Variants in FKTN observed in about 807,000 individuals in gnomAD.
The protein encoded by FKTN is ribitol-5-phosphate transferase FKTN.
FKTN carries 47 observed loss-of-function variants against 58.6 expected under a neutral mutation model. The ratio of observed to expected loss-of-function variants is 0.80; its 90% CI spans 0.63 to 1.02. The LOEUF (loss-of-function observed/expected upper bound fraction) is 1.02, where lower values mean the gene tolerates loss of function less well. Among genes scored for constraint, FKTN ranks in the 50% least tolerant of loss-of-function variants. The pLI is 0.00. For missense variants in FKTN, 516 were observed against 537.3 expected, an observed-to-expected ratio of 0.96 and a Z score of 0.39; for synonymous variants, 178 against 191.9, an observed-to-expected ratio of 0.93 and a Z score of 0.60.
chr9:105,622,537 A>G (rs1832143421), intron 10 of FKTN, among the ~76,000 whole-genome samples: 1 of 151,920 alleles, frequency 6.6e-6, no homozygotes, highest in South Asian at 2.1e-4. Context: ...TAATCTGGTT[A>G]ATCCTCATAC....
intron 4 of FKTN, among the ~76,000 whole-genome samples, chr9:105,596,908 T>C (rs979257018): frequency 6.6e-6 from 1 of 152,208 alleles, no homozygotes; most frequent in African/African-American, 2.4e-5. Flanking sequence ...TTAAACTTAG[T>C]TGGCTGATAA....
intron 3 of FKTN, among the ~76,000 whole-genome samples, chr9:105,593,515 T>C (rs1188073129): frequency 2.0e-5 from 3 of 151,978 alleles, no homozygotes; most frequent in Non-Finnish European, 4.4e-5. Context: ...GTAGAGTGGG[T>C]TGGGAGTACA....
In FKTN at chr9:105,575,177, A is replaced by C. The variant is rs181305205; in HGVS notation, c.105+40A>C. 1.2e-3 allele frequency: 1,278 copies of C among 1,080,234 alleles called. 15 individuals are homozygous for C. The African/African-American group carries it at 0.017, about 14-fold the overall frequency. The allele number at this position is 1,080,234 out of a possible 1,614,324, so 66.9% of individuals were successfully genotyped here. ...TCTTTCTTATCATTCCTCCTTTCTT[A>C]TCATTGTATATTTTCTGATCACACT... On this transcript the variant is annotated intron_variant, in intron 3 of 10. Coordinates refer to ENST00000357998, the MANE Select transcript of FKTN (RefSeq NM_001079802.2).
At chr9:105,598,239 G>A in intron 4 of FKTN, 3 of 390,588 alleles carry the variant, frequency 7.7e-6, no homozygotes, top group Non-Finnish European at 1.1e-5. Flanking sequence ...TTGTAAATGT[G>A]GTCACTGAAT....
At chr9:105,579,290 C>T (rs1335780864) in intron 3 of FKTN, among the ~76,000 whole-genome samples, 1 of 152,088 alleles carries the variant, frequency 6.6e-6, no homozygotes, top group African/African-American at 2.4e-5. Context: ...CCTGCTTTCT[C>T]TTGTGGGCAT....
In FKTN at chr9:105,638,907, G is replaced by A. The variant is rs1834240584; in HGVS notation, c.*3643G>A. The stretch of plus-strand genomic sequence containing the variant: ...CATAGATAGGCAGGATATTACATAG[G>A]TAAGCAGGAATTTATACATTGGGTA... On this transcript the variant is annotated 3_prime_UTR_variant, in exon 11 of 11. Coordinates refer to ENST00000357998, the MANE Select transcript of FKTN (RefSeq NM_001079802.2). The A allele has an allele frequency of 5.1e-6, 5 of 985,208 alleles. No homozygotes were observed. Among genetic ancestry groups the A allele is most frequent in the Non-Finnish European group, 6.0e-6 (5 of 829,836 alleles). The allele number at this position is 985,208 out of a possible 1,614,324, so 61.0% of individuals were successfully genotyped here.
At chr9:105,628,546 TATAAG>T (rs1189429100) in intron 10 of FKTN, among the ~76,000 whole-genome samples, 2 of 152,228 alleles carry the variant, frequency 1.3e-5, no homozygotes, top group Non-Finnish European at 1.5e-5. Flanking sequence ...AACATAATTC[TATAAG>T]ATATTATATA....
Position 105,636,923 on chromosome 9 carries a change from C to G in FKTN, c.*1659C>G. 9.4e-7 allele frequency: 1 copy of G among 1,067,794 alleles called. No homozygotes were observed. The highest frequency in any genetic ancestry group is 1.2e-6 in the Non-Finnish European group (1 of 867,002). 66.1% of individuals were successfully genotyped at this position (1,067,794 alleles called of 1,614,324 possible). ...ACCAACAGTCTTCTGTCCTAATTTG[C>G]ATTCTCAATGCAGAATTATTGGGTC... On this transcript the variant is annotated 3_prime_UTR_variant, in exon 11 of 11. Transcript: ENST00000357998.
chr9:105,565,631 G>A (rs1037671702), intron 1 of FKTN, among the ~76,000 whole-genome samples: 2 of 152,092 alleles, frequency 1.3e-5, no homozygotes, highest in African/African-American at 2.4e-5. Flanking sequence ...CAATACAGGA[G>A]CACCCAGATT....
At chr9:105,603,896 G>A (rs1054330137) in intron 5 of FKTN, 8 of 355,268 alleles carry the variant, frequency 2.3e-5, no homozygotes, top group South Asian at 2.0e-4. Flanking sequence ...TCAAACTCCT[G>A]AGCTCAAGTG....
At position 105,601,655 on chromosome 9, in the gene FKTN, G is replaced by A. The variant is rs537265412; in HGVS notation, c.369+307G>A. Among the ~76,000 whole-genome samples the A allele has an allele frequency of 1.8e-4, 27 of 152,206 alleles. No homozygotes were observed. The South Asian group carries it at 3.9e-3, about 22-fold the overall frequency. On this transcript the variant is annotated intron_variant, in intron 5 of 10. Transcript: ENST00000357998. ...ACCTCATTATCACAGGATAGCTGTC[G>A]TAGCTCCACATATCACATCCATGTT...
intron 3 of FKTN, among the ~76,000 whole-genome samples, chr9:105,578,779 G>A (rs1415686585): frequency 1.7e-4 from 25 of 151,358 alleles, no homozygotes; most frequent in Non-Finnish European, 2.5e-4. Context: ...GGTAGAATTC[G>A]GCTGTGAATC....
chr9:105,633,271 G>A (rs1220787641), intron 10 of FKTN: 1 of 152,098 alleles, frequency 6.6e-6, no homozygotes, highest in Non-Finnish European at 1.5e-5. Flanking sequence ...ATTCTTCATT[G>A]TTCAAAACAT....
chr9:105,569,540 GC>G (rs978712292), intron 1 of FKTN, among the ~76,000 whole-genome samples: 6 of 152,120 alleles, frequency 3.9e-5, no homozygotes, highest in South Asian at 2.1e-4. Flanking sequence ...GGGTCTAGCT[GC>G]CCCAAAGACT....
intron 6 of FKTN, 78 bp from the exon 7 acceptor site, chr9:105,607,741 G>T (rs1229857873): frequency 5.6e-6 from 7 of 1,256,754 alleles, no homozygotes; most frequent in East Asian, 2.3e-5. Flanking sequence ...AGCTCTGCAC[G>T]CATTAGGTAT....
In FKTN at chr9:105,631,540, C is replaced by G. The variant is rs531376017; in HGVS notation, c.1173-3511C>G. 3.2e-3 allele frequency among the ~76,000 whole-genome samples: 484 copies of G among 151,940 alleles called. 2 individuals are homozygous for G. The highest frequency in any genetic ancestry group is 0.011 in the African/African-American group (447 of 41,406). ...TCATCTGACAAAGGGCTAATATCCA[C>G]AATCTACAATGAACTCAAACAAATT... On this transcript the variant is annotated intron_variant, in intron 10 of 10. Transcript: ENST00000357998.
intron 10 of FKTN, chr9:105,624,392 C>T (rs1832475453): frequency 6.6e-6 from 1 of 152,072 alleles, no homozygotes; most frequent in South Asian, 2.1e-4. Context: ...CTTCGGGAGG[C>T]CAAGGTGAGA....
rs531589229 is a variant in FKTN at position 105,639,284 on chromosome 9, G to T, written c.*4020G>T. 8.4e-5 allele frequency: 83 copies of T among 985,224 alleles called. No homozygotes were observed. The highest frequency in any genetic ancestry group is 9.8e-5 in the Non-Finnish European group (81 of 829,794). The allele number at this position is 985,224 out of a possible 1,614,324, so 61.0% of individuals were successfully genotyped here. On this transcript the variant is annotated 3_prime_UTR_variant, in exon 11 of 11. Coordinates refer to ENST00000357998, the MANE Select transcript of FKTN (RefSeq NM_001079802.2). ...TCCACTATCATTAAGACCTGGGCTA[G>T]ATCACCTCTAACATCTCACTCAGGG... is the stretch of plus-strand genomic sequence containing the variant.
At chr9:105,633,987 C>T (rs1833787778) in intron 10 of FKTN, among the ~76,000 whole-genome samples, 1 of 152,122 alleles carries the variant, frequency 6.6e-6, no homozygotes, top group African/African-American at 2.4e-5. Context: ...AAACACTTCT[C>T]AGAAAAAAAA....
Sources: gnomAD v4.1 joint callset for allele counts (sites outside exome capture counted in the v4.1 genomes callset) on GRCh38, gnomAD v4.1.1 for gene constraint, MANE v1.5 for transcripts, NCBI Gene and HGNC (gene_info 2026-07-23, HGNC 2026-07-21) for gene names.